The following HYCC1 variants were observed in gnomAD, a reference collection of about 807,000 sequenced individuals.
The protein encoded by HYCC1 is hyccin.
the HYCC1 span, among the ~76,000 whole-genome samples, chr7:22,907,148 T>C: frequency 6.8e-6 from 1 of 146,784 alleles, no homozygotes; most frequent in Non-Finnish European, 1.5e-5. Flanking sequence ...GTTCTTCTAG[T>C]GTACAAGTCA....
the HYCC1 span, among the ~76,000 whole-genome samples, chr7:22,978,625 C>G: frequency 6.6e-6 from 1 of 152,206 alleles, no homozygotes; most frequent in East Asian, 1.9e-4. Flanking sequence ...AAAACACATG[C>G]CACTATATAA....
At chr7:22,985,848 A>G in the HYCC1 span, 12 of 149,042 alleles carry the variant, frequency 8.1e-5, no homozygotes, top group Admixed American at 6.0e-4. Flanking sequence ...AAAATGCATT[A>G]TATATATTTA....
the HYCC1 span, among the ~76,000 whole-genome samples, chr7:22,946,342 C>G: frequency 0.28 from 42,211 of 151,874 alleles, 6,084 homozygotes; most frequent in Non-Finnish European, 0.32. Flanking sequence ...GTCAAAAATA[C>G]TTCACTGTAA....
At chr7:22,970,359 G>C in the HYCC1 span, among the ~76,000 whole-genome samples, 1 of 152,060 alleles carries the variant, frequency 6.6e-6, no homozygotes, top group Admixed American at 6.5e-5. Flanking sequence ...TCATAAATCT[G>C]AGTTGAAGAG....
the HYCC1 span, among the ~76,000 whole-genome samples, chr7:22,927,660 T>A: frequency 1.3e-5 from 2 of 152,086 alleles, no homozygotes; most frequent in Non-Finnish European, 2.9e-5. Context: ...CTGAATAGAC[T>A]AATAGCAGGC....
At chr7:22,977,667 T>C in the HYCC1 span, among the ~76,000 whole-genome samples, 3 of 152,216 alleles carry the variant, frequency 2.0e-5, no homozygotes, top group Non-Finnish European at 2.9e-5. Flanking sequence ...TACAGTGTCT[T>C]AATAATCCTT....
At chr7:22,980,892 C>A in the HYCC1 span, among the ~76,000 whole-genome samples, 1 of 152,124 alleles carries the variant, frequency 6.6e-6, no homozygotes, top group South Asian at 2.1e-4. Flanking sequence ...CTAAAAGCGC[C>A]GCTTAAGCAA....
the HYCC1 span, among the ~76,000 whole-genome samples, chr7:22,992,577 CTTGT>C: frequency 2.6e-5 from 4 of 152,022 alleles, no homozygotes; most frequent in African/African-American, 7.2e-5. Flanking sequence ...TTTGGAGTAA[CTTGT>C]TTGTTTTTAT....
At chr7:22,947,261 T>C in the HYCC1 span, 1 of 1,545,130 alleles carries the variant, frequency 6.5e-7, no homozygotes, top group African/African-American at 1.4e-5. Context: ...GAATTGAAGA[T>C]GATAAGACAA....
At chr7:22,942,101 C>A in the HYCC1 span, 3 of 152,010 alleles carry the variant, frequency 2.0e-5, no homozygotes, top group Admixed American at 6.6e-5. Flanking sequence ...CATCTGTTCT[C>A]TGTAATTCAA....
At chr7:22,916,933 T>C in the HYCC1 span, among the ~76,000 whole-genome samples, 25 of 152,224 alleles carry the variant, frequency 1.6e-4, no homozygotes, top group Non-Finnish European at 3.7e-4. Context: ...CATGCTGTTA[T>C]ATAGGCTGAA....
At chr7:22,977,413 A>C in the HYCC1 span, 6 of 1,568,136 alleles carry the variant, frequency 3.8e-6, no homozygotes, top group African/African-American at 6.8e-5. Flanking sequence ...CCTGTTTGTC[A>C]ACTATTTCCT....
At chr7:22,920,872 T>C in the HYCC1 span, among the ~76,000 whole-genome samples, 1 of 152,184 alleles carries the variant, frequency 6.6e-6, no homozygotes, top group African/African-American at 2.4e-5. Context: ...CTTAGCACCA[T>C]CCCCATGGTG....
chr7:22,929,783 G>C, the HYCC1 span, among the ~76,000 whole-genome samples: 1 of 152,194 alleles, frequency 6.6e-6, no homozygotes, highest in African/African-American at 2.4e-5. Flanking sequence ...AGTCAGTGTG[G>C]CGATTCCTCA....
the HYCC1 span, among the ~76,000 whole-genome samples, chr7:22,958,021 A>T: frequency 1.3e-5 from 2 of 151,524 alleles, no homozygotes; most frequent in Admixed American, 6.6e-5. Context: ...TTTATATATA[A>T]ACAAAATTAA....
the HYCC1 span, chr7:22,960,415 C>T: frequency 6.2e-7 from 1 of 1,611,060 alleles, no homozygotes. Flanking sequence ...GCATTAGCAA[C>T]CTAAGGAGAA....
At chr7:22,959,396 G>A in the HYCC1 span, among the ~76,000 whole-genome samples, 1 of 151,942 alleles carries the variant, frequency 6.6e-6, no homozygotes, top group Admixed American at 6.6e-5. Flanking sequence ...ATACCAAAAG[G>A]AACTATTATT....
the HYCC1 span, among the ~76,000 whole-genome samples, chr7:23,001,537 G>T: frequency 2.6e-5 from 4 of 151,988 alleles, no homozygotes; most frequent in African/African-American, 9.7e-5. Context: ...AAAATAAATT[G>T]CTAGGGAAAA....
At chr7:23,004,954 T>C in the HYCC1 span, among the ~76,000 whole-genome samples, 176 of 152,212 alleles carry the variant, frequency 1.2e-3, no homozygotes, top group African/African-American at 4.1e-3. Flanking sequence ...TACAAGCACG[T>C]GCCACCATGC....
Sources: gnomAD v4.1 joint callset for allele counts (sites outside exome capture counted in the v4.1 genomes callset) on GRCh38, gnomAD v4.1.1 for gene constraint, MANE v1.5 for transcripts, NCBI Gene and HGNC (gene_info 2026-07-23, HGNC 2026-07-21) for gene names.